EPHB1: variants seen among roughly 807,000 people sequenced by gnomAD.
EPHB1 encodes the protein ephrin type-B receptor 1.
In EPHB1, 30 loss-of-function variants were observed where a neutral mutation model predicts 94.4. That is an observed-to-expected ratio of 0.32 (90% CI 0.24 to 0.43). The LOEUF is 0.43. EPHB1 is among the 20% of genes least tolerant of loss of function. The pLI is 1.00. For synonymous variants in EPHB1, 522 were observed against 489.1 expected (o/e 1.07, Z -0.89); for missense variants, 1,055 against 1,308.3 (o/e 0.81, Z 2.99).
intron 2 of EPHB1, among the ~76,000 whole-genome samples, chr3:134,928,663 G>A (rs2038844820): frequency 6.6e-6 from 1 of 152,174 alleles, no homozygotes; most frequent in South Asian, 2.1e-4. Flanking sequence ...TGTGCCATCA[G>A]TATTCGACTT....
At chr3:135,158,301 A>C (rs1009255248) in intron 6 of EPHB1, among the ~76,000 whole-genome samples, 5 of 152,178 alleles carry the variant, frequency 3.3e-5, no homozygotes, top group African/African-American at 4.8e-5. Flanking sequence ...CCAGCCCCTC[A>C]TCTAAACCAG....
At chr3:134,919,892 A>G (rs539023676) in intron 1 of EPHB1, among the ~76,000 whole-genome samples, 1 of 151,964 alleles carries the variant, frequency 6.6e-6, no homozygotes, top group South Asian at 2.1e-4. Flanking sequence ...GTGTGCTCAT[A>G]CACAAATATG....
chr3:134,838,481 G>A (rs536980117), intron 1 of EPHB1, among the ~76,000 whole-genome samples: 9 of 152,024 alleles, frequency 5.9e-5, no homozygotes, highest in East Asian at 1.9e-4. Flanking sequence ...TCTTCCCCAC[G>A]GATTCTCCTA....
chr3:134,952,352 T>TTC (rs752162465), intron 3 of EPHB1, among the ~76,000 whole-genome samples: 38 of 148,640 alleles, frequency 2.6e-4, no homozygotes, highest in African/African-American at 6.0e-4. Flanking sequence ...TCTCTCTCTC[T>TTC]TCTCTCTCTC....
intron 4 of EPHB1, among the ~76,000 whole-genome samples, chr3:135,113,628 C>T (rs981813007): frequency 2.6e-5 from 4 of 152,314 alleles, no homozygotes; most frequent in Middle Eastern, 3.4e-3. Context: ...AGTAACCCAT[C>T]GCTGGGGGAG....
intron 3 of EPHB1, among the ~76,000 whole-genome samples, chr3:135,059,883 A>C (rs1937446193): frequency 6.6e-6 from 1 of 152,062 alleles, no homozygotes; most frequent in Non-Finnish European, 1.5e-5. Context: ...GATGTAAGAG[A>C]TGAGAATCCA....
intron 4 of EPHB1, among the ~76,000 whole-genome samples, chr3:135,127,477 C>G (rs1308379763): frequency 6.6e-6 from 1 of 152,154 alleles, no homozygotes; most frequent in African/African-American, 2.4e-5. Flanking sequence ...TCCCAGGACA[C>G]AGACCCTGGC....
intron 3 of EPHB1, among the ~76,000 whole-genome samples, chr3:134,966,076 C>T (rs6782004): frequency 0.33 from 50,013 of 152,136 alleles, 8,621 homozygotes; most frequent in Middle Eastern, 0.5. Flanking sequence ...GCACTGGGTA[C>T]ACAGAGGGGC....
At chr3:135,104,433 T>C (rs1939138047) in intron 3 of EPHB1, among the ~76,000 whole-genome samples, 1 of 152,176 alleles carries the variant, frequency 6.6e-6, no homozygotes, top group South Asian at 2.1e-4. Context: ...CAAACAGTAC[T>C]TTTTTTCTTT....
chr3:134,982,385 G>A (rs1934436078), intron 3 of EPHB1, among the ~76,000 whole-genome samples: 1 of 152,220 alleles, frequency 6.6e-6, no homozygotes, highest in Admixed American at 6.5e-5. Context: ...GAGTGAAGGA[G>A]GAGGAGAGAG....
chr3:135,124,835 T>C (rs56394048), intron 4 of EPHB1, among the ~76,000 whole-genome samples: 6,082 of 151,524 alleles, frequency 0.04, 611 homozygotes, highest in African/African-American at 0.14. Context: ...CTCTCCTCCT[T>C]GCCCCAGTGA....
intron 1 of EPHB1, among the ~76,000 whole-genome samples, chr3:134,830,386 T>C (rs1041455310): frequency 1.7e-4 from 26 of 152,230 alleles, no homozygotes; most frequent in African/African-American, 6.3e-4. Context: ...CTATTGCCTT[T>C]ATTGCAAAAT....
intron 1 of EPHB1, among the ~76,000 whole-genome samples, chr3:134,816,604 T>A (rs2036278340): frequency 6.6e-6 from 1 of 152,112 alleles, no homozygotes; most frequent in African/African-American, 2.4e-5. Context: ...TATTGTCATT[T>A]CTTCTGTATC....
intron 13 of EPHB1, among the ~76,000 whole-genome samples, chr3:135,245,387 A>G (rs1233926878): frequency 6.6e-6 from 1 of 152,066 alleles, no homozygotes; most frequent in Non-Finnish European, 1.5e-5. Context: ...ACACAGCCAA[A>G]TGGACCTGTG....
intron 10 of EPHB1, among the ~76,000 whole-genome samples, chr3:135,191,286 T>C (rs1942449770): frequency 6.6e-6 from 1 of 152,230 alleles, no homozygotes; most frequent in African/African-American, 2.4e-5. Context: ...CCCCAGGTTC[T>C]ATCAAGTTCT....
chr3:135,081,478 A>T (rs187363385), intron 3 of EPHB1, among the ~76,000 whole-genome samples: 2 of 152,346 alleles, frequency 1.3e-5, no homozygotes, highest in East Asian at 3.9e-4. Context: ...GCCAGTAGCC[A>T]GAAGACCCTG....
intron 7 of EPHB1, 147 bp downstream of exon 7, chr3:135,162,327 G>A: frequency 1.0e-6 from 1 of 956,248 alleles, no homozygotes; most frequent in Non-Finnish European, 1.5e-6. Context: ...TCCCAGTAGG[G>A]CCATGTAGAT....
At position 135,043,209 on chromosome 3, in the gene EPHB1, A is replaced by C. The variant is rs375634733; in HGVS notation, c.806-63239A>C. Among the ~76,000 whole-genome samples the C allele has an allele frequency of 3.6e-4, 55 of 151,830 alleles. No individual in the cohort carries two copies. In the East Asian group the frequency reaches 6.6e-3, roughly 18 times the overall value. On this transcript the variant is annotated intron_variant, in intron 3 of 15. Transcript: ENST00000398015. ...CAGAGTATTGAATTTAAGGAAGTCC[A>C]CTCCTAGGATTTTATTTTCTTGTGG...
At chr3:134,850,805 G>A (rs1251472909) in intron 1 of EPHB1, among the ~76,000 whole-genome samples, 8 of 152,356 alleles carry the variant, frequency 5.3e-5, no homozygotes, top group Non-Finnish European at 7.3e-5. Context: ...GGGAGCTCTT[G>A]TGGCTACTCT....
Sources: gnomAD v4.1 joint callset for allele counts (sites outside exome capture counted in the v4.1 genomes callset) on GRCh38, gnomAD v4.1.1 for gene constraint, MANE v1.5 for transcripts, NCBI Gene and HGNC (gene_info 2026-07-23, HGNC 2026-07-21) for gene names.